Variants in ACSS3 observed in about 807,000 individuals in gnomAD.
ACSS3 encodes the protein acyl-CoA synthetase short-chain family member 3, mitochondrial.
ACSS3 carries 64 observed loss-of-function variants against 84.2 expected under a neutral mutation model. That is an observed-to-expected ratio of 0.76 (90% CI 0.62 to 0.94). The LOEUF (loss-of-function observed/expected upper bound fraction) is 0.94, where lower values mean the gene tolerates loss of function less well. ACSS3 is among the 40% of genes least tolerant of loss of function. The pLI is 0.00. For synonymous variants in ACSS3, 317 were observed against 310.1 expected (o/e 1.02, Z -0.23); for missense variants, 815 against 867.6 (o/e 0.94, Z 0.76).
intron 9 of ACSS3, among the ~76,000 whole-genome samples, chr12:81,214,007 C>CTTTCTGTCTGTCTGTCT (rs1565724543): frequency 2.7e-5 from 2 of 74,038 alleles, no homozygotes; most frequent in Non-Finnish European, 2.9e-5. Context: ...TTCTTTCTTT[C>CTTTCTGTCTGTCTGTCT]ATCTGTCTGT....
intron 8 of ACSS3, among the ~76,000 whole-genome samples, chr12:81,192,749 T>C (rs2031636487): frequency 6.6e-6 from 1 of 152,202 alleles, no homozygotes. Flanking sequence ...AGCCACATAG[T>C]TTTTGTTCAG....
chr12:81,144,231 A>G (rs1484550813), intron 5 of ACSS3, among the ~76,000 whole-genome samples: 1 of 152,212 alleles, frequency 6.6e-6, no homozygotes, highest in Admixed American at 6.5e-5. Context: ...AGGGTAATAT[A>G]TTCTCTCTGA....
Position 81,259,438 on chromosome 12 carries a change from G to A in ACSS3, c.*4516G>A. The A allele has an allele frequency of 1.5e-6, 1 of 657,000 alleles. No individual in the cohort carries two copies. The highest frequency in any genetic ancestry group is 2.7e-6 in the Non-Finnish European group (1 of 368,696). The allele number at this position is 657,000 out of a possible 1,614,324, so 40.7% of individuals were successfully genotyped here. A position where few individuals can be genotyped will look rare whatever the true frequency, so the allele number is the denominator to read the frequency against. On this transcript the variant is annotated 3_prime_UTR_variant, in exon 16 of 16. Transcript: ENST00000548058. ...AAAGCATCTGTTGTACAGAGTTTAT[G>A]ATGTAGATGATGTTTATTATTCAAA...
rs1302456201 is a variant in ACSS3, at chr12:81,092,200, AT to A, written c.311+13773del. The stretch of plus-strand genomic sequence containing the variant: ...TTGTTAATGCATTTGTTTCTTCTTT[AT>A]TTTGTTCATTCATCCAATATTTACT... On this transcript the variant is annotated intron_variant, in intron 1 of 15. Coordinates refer to ENST00000548058, the MANE Select transcript of ACSS3 (RefSeq NM_024560.4). 2.0e-5 allele frequency among the ~76,000 whole-genome samples: 3 copies of A among 152,002 alleles called. No individual in the cohort carries two copies. In the East Asian group the frequency reaches 5.8e-4, roughly 29 times the overall value.
At chr12:81,117,766 C>G (rs1884170502) in intron 2 of ACSS3, among the ~76,000 whole-genome samples, 1 of 152,108 alleles carries the variant, frequency 6.6e-6, no homozygotes, top group Admixed American at 6.6e-5. Context: ...AAGGAGATGA[C>G]AAATGAATCG....
intron 8 of ACSS3, among the ~76,000 whole-genome samples, chr12:81,180,276 A>T (rs2030838187): frequency 6.6e-6 from 1 of 152,204 alleles, no homozygotes; most frequent in Admixed American, 6.5e-5. Flanking sequence ...TATGCTCGTT[A>T]CCTGGATTAC....
chr12:81,254,950 T>A lies in ACSS3; in HGVS notation c.*28T>A. On this transcript the variant is annotated 3_prime_UTR_variant, in exon 16 of 16. Transcript: ENST00000548058. Reference sequence around the variant, plus strand: ...AGTTTGTCTTATTCCTATTTTGAGTTGATTTAATTTCTTAATTGAAATTAA... The same window carrying A: ...AGTTTGTCTTATTCCTATTTTGAGTAGATTTAATTTCTTAATTGAAATTAA... 6.7e-7 allele frequency: 1 copy of A among 1,502,642 alleles called. No individual in the cohort carries two copies. Among genetic ancestry groups the A allele is most frequent in the Admixed American group, 2.1e-5 (1 of 47,242 alleles). The allele number at this position is 1,502,642 out of a possible 1,614,324, so 93.1% of individuals were successfully genotyped here. A position where few individuals can be genotyped will look rare whatever the true frequency, so the allele number is the denominator to read the frequency against.
chr12:81,160,439 A>T (rs965264923), intron 7 of ACSS3, among the ~76,000 whole-genome samples: 2 of 152,240 alleles, frequency 1.3e-5, no homozygotes, highest in African/African-American at 4.8e-5. Flanking sequence ...GTGAGGATTT[A>T]AAATTCTGAA....
intron 1 of ACSS3, among the ~76,000 whole-genome samples, chr12:81,086,170 T>C (rs186760027): frequency 6.0e-4 from 92 of 152,320 alleles, no homozygotes; most frequent in African/African-American, 2.2e-3. Flanking sequence ...GAGAGTGTTA[T>C]ATAAAGAGGA....
intron 8 of ACSS3, among the ~76,000 whole-genome samples, chr12:81,185,090 G>T (rs189771076): frequency 2.0e-5 from 3 of 151,706 alleles, no homozygotes; most frequent in Non-Finnish European, 4.4e-5. Flanking sequence ...AAATCTATCA[G>T]TGTGATACAT....
At chr12:81,081,609 A>G (rs1880982697) in intron 1 of ACSS3, among the ~76,000 whole-genome samples, 1 of 152,138 alleles carries the variant, frequency 6.6e-6, no homozygotes, top group African/African-American at 2.4e-5. Flanking sequence ...GGATTAGTCA[A>G]TTCACTTTTC....
rs1466623253 is a variant in ACSS3, at chr12:81,151,845, G to T, written c.923G>T (p.Gly308Val). 6.2e-7 allele frequency: 1 copy of T among 1,612,944 alleles called. No individual in the cohort carries two copies. The change falls in exon 6 of 16, where the codon GGT becomes GTT. Residue 308 changes from glycine to valine, a missense_variant and splice_region_variant. Gly to Val is a moderately radical substitution (Grantham distance 109). Coordinates refer to ENST00000548058, the MANE Select transcript of ACSS3 (RefSeq NM_024560.4). ...YTSGTTGLPKGVIRPTGGYAV... is the reference protein window; with the variant it reads ...YTSGTTGLPKVVIRPTGGYAV... The stretch of plus-strand genomic sequence containing the variant: ...TAATTTCACTTTTTCTCTCCTTAGG[G>T]TGTGATTAGGCCCACTGGGGGATAC...
intron 1 of ACSS3, among the ~76,000 whole-genome samples, chr12:81,089,116 C>T (rs933328265): frequency 6.6e-6 from 1 of 151,702 alleles, no homozygotes; most frequent in African/African-American, 2.4e-5. Flanking sequence ...TTATAGTATG[C>T]TTTAATGTTA....
intron 9 of ACSS3, among the ~76,000 whole-genome samples, chr12:81,208,670 A>C (rs1921035): frequency 3.8e-4 from 57 of 151,806 alleles, no homozygotes; most frequent in Non-Finnish European, 1.0e-4. Flanking sequence ...TCGCCTTTAC[A>C]AAACCCCCCA....
At chr12:81,171,824 C>G (rs1426200642) in intron 7 of ACSS3, among the ~76,000 whole-genome samples, 2 of 152,116 alleles carry the variant, frequency 1.3e-5, no homozygotes, top group African/African-American at 4.8e-5. Flanking sequence ...TATACTTACA[C>G]AAACCTAGTG....
chr12:81,231,028 T>C lies in ACSS3; in HGVS notation c.1515-29T>C, dbSNP rs369921964. The stretch of plus-strand genomic sequence containing the variant: ...CCTGTCTTTATTACCACTTTCATCA[T>C]AATTTTAACTTCTCTGTTTTTATAT... On this transcript the variant is annotated intron_variant, in intron 11 of 15. Coordinates refer to ENST00000548058, the MANE Select transcript of ACSS3 (RefSeq NM_024560.4). The C allele has an allele frequency of 2.8e-5, 43 of 1,545,032 alleles. 1 individual carries two copies. Among genetic ancestry groups the C allele is most frequent in the Non-Finnish European group, 3.6e-5 (40 of 1,123,702 alleles).
chr12:81,169,642 A>G (rs12424122), intron 7 of ACSS3, among the ~76,000 whole-genome samples: 1,822 of 152,280 alleles, frequency 0.012, 60 homozygotes, highest in Admixed American at 0.071. Context: ...ATGGAATTGT[A>G]CAAATGCTAT....
chr12:81,115,747 A>T (rs1030074726), intron 2 of ACSS3, among the ~76,000 whole-genome samples: 1 of 152,202 alleles, frequency 6.6e-6, no homozygotes, highest in Admixed American at 6.6e-5. Context: ...TGAAAACCTT[A>T]ACAAAAATAA....
chr12:81,150,404 A>G (rs1565692441), intron 5 of ACSS3, among the ~76,000 whole-genome samples: 1 of 152,220 alleles, frequency 6.6e-6, no homozygotes, highest in Non-Finnish European at 1.5e-5. Context: ...AGATTCATCA[A>G]TCTGTTGAGC....
Sources: gnomAD v4.1 joint callset for allele counts (sites outside exome capture counted in the v4.1 genomes callset) on GRCh38, gnomAD v4.1.1 for gene constraint, MANE v1.5 for transcripts, NCBI Gene and HGNC (gene_info 2026-07-23, HGNC 2026-07-21) for gene names.